Variants in SLX4IP observed in about 807,000 individuals in gnomAD.
The protein encoded by SLX4IP is protein SLX4IP.
SLX4IP carries 34 observed loss-of-function variants against 32.9 expected under a neutral mutation model. The observed-to-expected ratio is 1.03, with a 90% confidence interval of 0.79 to 1.38. The LOEUF is 1.38. Ranked by LOEUF, SLX4IP falls within the 40% of genes most tolerant of loss-of-function variation. SLX4IP has a pLI of 0.00. For synonymous variants in SLX4IP, 172 were observed against 171.7 expected (o/e 1.00, Z -0.01); for missense variants, 444 against 479.0 (o/e 0.93, Z 0.68).
intron 2 of SLX4IP, among the ~76,000 whole-genome samples, chr20:10,520,346 G>A (rs1014610039): frequency 6.6e-5 from 10 of 152,026 alleles, no homozygotes; most frequent in Non-Finnish European, 4.4e-5. Context: ...CACTGCGCCC[G>A]GCCCTTGTGC....
intron 2 of SLX4IP, among the ~76,000 whole-genome samples, chr20:10,537,909 C>G (rs2066062889): frequency 6.6e-6 from 1 of 152,138 alleles, no homozygotes; most frequent in African/African-American, 2.4e-5. Context: ...TCCTTTCTCC[C>G]TGCCTCCATC....
chr20:10,581,670 C>T (rs2066587482), intron 4 of SLX4IP, among the ~76,000 whole-genome samples: 1 of 152,140 alleles, frequency 6.6e-6, no homozygotes, highest in African/African-American at 2.4e-5. Context: ...AATCCTAACA[C>T]TTTGTGAGGC....
Position 10,623,714 on chromosome 20 carries a change from A to G in SLX4IP, c.*335A>G, listed in dbSNP as rs1239642760. ...ATCATGAGCCCCTTCTTGGCACATCACTGTGCAGACCACACAATGGACCGT... is the reference window on the plus strand; with the variant it reads ...ATCATGAGCCCCTTCTTGGCACATCGCTGTGCAGACCACACAATGGACCGT... On this transcript the variant is annotated 3_prime_UTR_variant, in exon 8 of 8. Transcript: ENST00000334534. 3 of 313,836 alleles carry G rather than the reference A, an allele frequency of 9.6e-6. No individual in the cohort carries two copies. The highest frequency in any genetic ancestry group is 1.8e-5 in the Non-Finnish European group (3 of 168,678). 19.4% of individuals were successfully genotyped at this position (313,836 alleles called of 1,614,324 possible).
At chr20:10,583,257 A>G (rs1431217348) in intron 4 of SLX4IP, among the ~76,000 whole-genome samples, 1 of 152,204 alleles carries the variant, frequency 6.6e-6, no homozygotes, top group Non-Finnish European at 1.5e-5. Context: ...TAAAATGTTA[A>G]AAACGCCATT....
chr20:10,466,625 T>C (rs1214344639), intron 2 of SLX4IP, among the ~76,000 whole-genome samples: 2 of 152,150 alleles, frequency 1.3e-5, no homozygotes, highest in Non-Finnish European at 2.9e-5. Flanking sequence ...CTCTGGAATG[T>C]GCATCTGGCT....
chr20:10,496,525 G>A (rs2065669118), intron 2 of SLX4IP, among the ~76,000 whole-genome samples: 1 of 152,266 alleles, frequency 6.6e-6, no homozygotes, highest in Non-Finnish European at 1.5e-5. Flanking sequence ...CAGGGACCCA[G>A]GTTTTTCTAT....
At chr20:10,511,692 G>C (rs1011520345) in intron 2 of SLX4IP, among the ~76,000 whole-genome samples, 1 of 152,186 alleles carries the variant, frequency 6.6e-6, no homozygotes. Flanking sequence ...CTTGGAAAAC[G>C]TAAGGACCCA....
Position 10,511,433 on chromosome 20 carries a change from C to G in SLX4IP, c.28-44798C>G, listed in dbSNP as rs192985836. The stretch of plus-strand genomic sequence containing the variant: ...TGAGACTGTCTGTTCACCTGACTCC[C>G]AGGCAGACAGTAAGGCGATCAGGCT... On this transcript the variant is annotated intron_variant, in intron 2 of 7. Coordinates refer to ENST00000334534, the MANE Select transcript of SLX4IP (RefSeq NM_001009608.3). 1.1e-4 allele frequency among the ~76,000 whole-genome samples: 16 copies of G among 152,308 alleles called. No individual in the cohort carries two copies. In the East Asian group the frequency reaches 3.1e-3, roughly 29 times the overall value.
chr20:10,607,117 C>T (rs1230652506), intron 6 of SLX4IP, among the ~76,000 whole-genome samples: 1 of 151,986 alleles, frequency 6.6e-6, no homozygotes, highest in Non-Finnish European at 1.5e-5. Context: ...CTTTTTATTC[C>T]GTGTAGTGAC....
intron 4 of SLX4IP, among the ~76,000 whole-genome samples, chr20:10,582,339 C>CTTAATATTTCCATTTT (rs1460418411): frequency 1.3e-5 from 2 of 152,112 alleles, no homozygotes; most frequent in African/African-American, 4.8e-5. Context: ...CTGGTATTTC[C>CTTAATATTTCCATTTT]TTAATATTTC....
chr20:10,535,513 G>A (rs374432106), intron 2 of SLX4IP, among the ~76,000 whole-genome samples: 1 of 152,224 alleles, frequency 6.6e-6, no homozygotes, highest in East Asian at 1.9e-4. Context: ...GTAGAGATGG[G>A]GTTTCGCCGT....
At chr20:10,591,472 G>A (rs928785064) in intron 4 of SLX4IP, among the ~76,000 whole-genome samples, 1 of 152,192 alleles carries the variant, frequency 6.6e-6, no homozygotes, top group South Asian at 2.1e-4. Flanking sequence ...GTGTTCCTCT[G>A]TATGCACAGG....
chr20:10,613,657 C>T, intron 6 of SLX4IP: 2 of 1,613,926 alleles, frequency 1.2e-6, no homozygotes, highest in Non-Finnish European at 1.7e-6. Context: ...CTTTTCTTTG[C>T]ATTCATCTTT....
chr20:10,616,378 C>CAA (rs35911173), intron 6 of SLX4IP, among the ~76,000 whole-genome samples: 5 of 142,396 alleles, frequency 3.5e-5, no homozygotes, highest in Non-Finnish European at 6.2e-5. Flanking sequence ...TGTCAAGTCC[C>CAA]AAAAAAAAAA....
chr20:10,564,463 C>G (rs903585665), intron 4 of SLX4IP, among the ~76,000 whole-genome samples: 4 of 152,124 alleles, frequency 2.6e-5, no homozygotes, highest in African/African-American at 9.7e-5. Context: ...GCATGAGTTC[C>G]TTACCTTTTG....
chr20:10,477,564 G>T (rs1195493366), intron 2 of SLX4IP, among the ~76,000 whole-genome samples: 1 of 152,122 alleles, frequency 6.6e-6, no homozygotes, highest in Admixed American at 6.5e-5. Flanking sequence ...ACCGTGCCCG[G>T]CCGAAGGGAA....
intron 2 of SLX4IP, among the ~76,000 whole-genome samples, chr20:10,477,974 C>T (rs1600911570): frequency 6.6e-6 from 1 of 150,666 alleles, no homozygotes; most frequent in African/African-American, 2.4e-5. Flanking sequence ...TCTTGGCTCA[C>T]TGCAACCTCC....
In SLX4IP at chr20:10,552,408, C is replaced by CT. The variant is rs1373438188; in HGVS notation, c.28-3812dup. Among the ~76,000 whole-genome samples, 69 of 142,482 alleles carry CT rather than the reference C, an allele frequency of 4.8e-4. 1 individual carries two copies. The highest frequency in any genetic ancestry group is 3.6e-3 in the Middle Eastern group (1 of 278). The allele number at this position is 142,482 out of a possible 152,430, so 93.5% of individuals were successfully genotyped here. On this transcript the variant is annotated intron_variant, in intron 2 of 7. Coordinates refer to ENST00000334534, the MANE Select transcript of SLX4IP (RefSeq NM_001009608.3). ...AGAAGCTTTCTTTTCTTTTTTTTTT[C>CT]TTTTTTTTTTTCACTTCTGTTTTCT...
At position 10,448,570 on chromosome 20, in the gene SLX4IP, C is replaced by T. The variant is rs915883803; in HGVS notation, c.-29-9606C>T. On this transcript the variant is annotated intron_variant, in intron 1 of 7. Transcript: ENST00000334534. ...ATCCATGTAAGAGTGGCTTGGAAAA[C>T]ATCACATTAGCCTTAGTCTCTTAGT... Among the ~76,000 whole-genome samples, 79 of 152,234 alleles carry T rather than the reference C, an allele frequency of 5.2e-4. 1 individual carries two copies. Among genetic ancestry groups the T allele is most frequent in the African/African-American group, 1.9e-3 (78 of 41,578 alleles).
Sources: allele counts gnomAD v4.1 joint callset (sites outside exome capture counted in the v4.1 genomes callset), GRCh38; gene constraint gnomAD v4.1.1; transcripts MANE v1.5; gene names NCBI Gene and HGNC (gene_info 2026-07-23, HGNC 2026-07-21).